The following STRADA variants were observed in gnomAD, a reference collection of about 807,000 sequenced individuals.
The protein encoded by STRADA is STE20 related adaptor alpha.
In STRADA, 26 loss-of-function variants were observed where a neutral mutation model predicts 55.0. The ratio of observed to expected loss-of-function variants is 0.47; its 90% CI spans 0.35 to 0.66. The LOEUF (loss-of-function observed/expected upper bound fraction) is 0.66. Among genes scored for constraint, STRADA ranks in the 30% least tolerant of loss-of-function variants. The pLI is 0.01. For missense variants in STRADA, 443 were observed against 549.7 expected (o/e 0.81, Z 1.94); for synonymous variants, 197 against 210.9 (o/e 0.93, Z 0.57).
chr17:63,712,235 A>G (rs6504175), intron 6 of STRADA, among the ~76,000 whole-genome samples: 146,818 of 152,272 alleles, frequency 0.96, 70,808 homozygotes, highest in East Asian at 1. Context: ...GTTTTGTTTT[A>G]TTTTTTGAGC....
At chr17:63,723,030 G>A (rs1400224290) in intron 4 of STRADA, among the ~76,000 whole-genome samples, 1 of 152,148 alleles carries the variant, frequency 6.6e-6, no homozygotes, top group Non-Finnish European at 1.5e-5. Flanking sequence ...AGGGGTGGCA[G>A]TCGATTGGCA....
chr17:63,734,622 G>C (rs1280602724), intron 1 of STRADA, among the ~76,000 whole-genome samples: 1 of 151,998 alleles, frequency 6.6e-6, no homozygotes, highest in Non-Finnish European at 1.5e-5. Context: ...GGATGACAGA[G>C]TGAGACCCTG....
chr17:63,740,058 G>C (rs2038775467), intron 1 of STRADA, among the ~76,000 whole-genome samples: 1 of 121,506 alleles, frequency 8.2e-6, no homozygotes, highest in Admixed American at 8.9e-5. Context: ...GTGGGCCACG[G>C]TACCCAGCCT....
chr17:63,720,235 C>T (rs1370683662), intron 4 of STRADA, among the ~76,000 whole-genome samples: 1 of 151,372 alleles, frequency 6.6e-6, no homozygotes, highest in Non-Finnish European at 1.5e-5. Context: ...AGTGCAATGG[C>T]GCTATCCTAG....
intron 11 of STRADA, 131 bp downstream of exon 11, chr17:63,704,210 C>G (rs963244622): frequency 1.3e-6 from 2 of 1,528,504 alleles, no homozygotes; most frequent in Non-Finnish European, 8.8e-7. Context: ...CACCCAGGAG[C>G]TGATCCCTCC....
chr17:63,741,144 AG>A (rs2038913966), intron 1 of STRADA: 1 of 152,028 alleles, frequency 6.6e-6, no homozygotes, highest in Non-Finnish European at 1.5e-5. Context: ...CTATTTCCTG[AG>A]AACTATGAAC....
In STRADA at chr17:63,708,691, T is replaced by C. The variant is rs371139174; in HGVS notation, c.582-1273A>G. 1.7e-3 allele frequency among the ~76,000 whole-genome samples: 255 copies of C among 151,924 alleles called. 2 individuals are homozygous for C. The highest frequency in any genetic ancestry group is 5.6e-3 in the African/African-American group (233 of 41,426). ...CTGGGATTACAGGCACCTGCCACCA[T>C]GCCCGGCTAATTTTTGTATGTTTAG... is the stretch of plus-strand genomic sequence containing the variant. On this transcript the variant is annotated intron_variant, in intron 8 of 12. Coordinates refer to ENST00000336174, the MANE Select transcript of STRADA (RefSeq NM_001003787.4).
At chr17:63,711,502 CA>C (rs1243110284) in intron 6 of STRADA, among the ~76,000 whole-genome samples, 2 of 152,104 alleles carry the variant, frequency 1.3e-5, no homozygotes, top group Non-Finnish European at 2.9e-5. Context: ...AGGTGGACGT[CA>C]ACATACCTAG....
chr17:63,739,161 A>T (rs924439585), intron 1 of STRADA, among the ~76,000 whole-genome samples: 1 of 150,412 alleles, frequency 6.6e-6, no homozygotes, highest in African/African-American at 2.5e-5. Flanking sequence ...AAAAAAAAAA[A>T]AAAGGGAAAT....
At chr17:63,734,517 G>A (rs559491537) in intron 1 of STRADA, among the ~76,000 whole-genome samples, 1 of 152,152 alleles carries the variant, frequency 6.6e-6, no homozygotes, top group South Asian at 2.1e-4. Context: ...GGTGGCACTG[G>A]CCTGTAATTG....
chr17:63,713,183 T>G (rs2036621601), intron 6 of STRADA, among the ~76,000 whole-genome samples: 1 of 151,714 alleles, frequency 6.6e-6, no homozygotes, highest in Non-Finnish European at 1.5e-5. Context: ...AATAAATGAA[T>G]AAAAAAGCCA....
Position 63,710,803 on chromosome 17 carries a change from G to A in STRADA, c.382C>T (p.Pro128Ser). The change falls in exon 7 of 13, where the codon CCC (proline) becomes TCC (serine). Residue 128 changes from proline to serine, a missense_variant. Coordinates refer to ENST00000336174, the MANE Select transcript of STRADA (RefSeq NM_001003787.4). The stretch of plus-strand genomic sequence containing the variant: ...GTGGCTCGATATGGCACGATATTGG[G>A]ATGGTTGAAGAGTTTGGAGACATGC... Reference protein sequence around the residue: ...ELHVSKLFNHPNIVPYRATFI... With the variant: ...ELHVSKLFNHSNIVPYRATFI... 6.2e-7 allele frequency: 1 copy of A among 1,614,218 alleles called. No individual in the cohort carries two copies.
rs529229253 is a variant in STRADA at position 63,704,656 on chromosome 17, C to T, written c.859-74G>A. On this transcript the variant is annotated intron_variant, in intron 10 of 12. Coordinates refer to ENST00000336174, the MANE Select transcript of STRADA (RefSeq NM_001003787.4). ...GGTGGTCCCTGGAAGGCCTGAGAGT[C>T]TCTTCACAAATACACTGTTCCCAAT... 16 of 1,515,298 alleles carry T rather than the reference C, an allele frequency of 1.1e-5. No individual in the cohort carries two copies. The South Asian group carries it at 2.1e-4, about 20-fold the overall frequency. 93.9% of individuals were successfully genotyped at this position (1,515,298 alleles called of 1,614,324 possible).
chr17:63,734,656 T>A (rs2038291562), intron 1 of STRADA, among the ~76,000 whole-genome samples: 1 of 151,942 alleles, frequency 6.6e-6, no homozygotes, highest in South Asian at 2.1e-4. Flanking sequence ...GAAAAAAGAA[T>A]CAGGGATACT....
chr17:63,712,563 A>T (rs549406791), intron 6 of STRADA: 1 of 151,520 alleles, frequency 6.6e-6, no homozygotes, highest in South Asian at 2.1e-4. Context: ...AAATACAAAA[A>T]TTAGTCAGGT....
chr17:63,718,417 C>T (rs114534204), intron 4 of STRADA, among the ~76,000 whole-genome samples: 22 of 152,320 alleles, frequency 1.4e-4, no homozygotes, highest in Non-Finnish European at 2.8e-4. Context: ...GAATTCACAA[C>T]GCTCATTTGG....
intron 1 of STRADA, among the ~76,000 whole-genome samples, chr17:63,738,648 C>T (rs375599221): frequency 6.6e-6 from 1 of 151,394 alleles, no homozygotes; most frequent in South Asian, 2.1e-4. Flanking sequence ...TCCTGAGCTC[C>T]GCAGTTCCAC....
At chr17:63,707,162 G>A (rs1444820338) in intron 9 of STRADA, 85 bp downstream of exon 9, 1 of 1,555,990 alleles carries the variant, frequency 6.4e-7, no homozygotes, top group African/African-American at 1.4e-5. Flanking sequence ...GGGAGGTTGA[G>A]AGCCCCCGAC....
intron 1 of STRADA, among the ~76,000 whole-genome samples, chr17:63,740,127 T>TACACAC (rs1555712244): frequency 3.8e-5 from 2 of 53,160 alleles, no homozygotes; most frequent in African/African-American, 2.2e-4. Flanking sequence ...CATATATATA[T>TACACAC]ACACATACAT....
Sources: allele counts gnomAD v4.1 joint callset (sites outside exome capture counted in the v4.1 genomes callset), GRCh38; gene constraint gnomAD v4.1.1; transcripts MANE v1.5; gene names NCBI Gene and HGNC (gene_info 2026-07-23, HGNC 2026-07-21).